The following TTC21B variants were observed in gnomAD, a reference collection of about 807,000 sequenced individuals.
TTC21B encodes the protein tetratricopeptide repeat protein 21B.
In TTC21B, 127 loss-of-function variants were observed where a neutral mutation model predicts 175.1. The observed-to-expected ratio is 0.73, with a 90% CI of 0.63 to 0.84. The LOEUF (loss-of-function observed/expected upper bound fraction) is 0.84, where lower values mean the gene tolerates loss of function less well. Among genes scored for constraint, TTC21B ranks in the 40% least tolerant of loss-of-function variants. The probability of loss-of-function intolerance (pLI) is 0.00; values close to 1 mark genes in which losing one functional copy is unlikely to be tolerated. For synonymous variants in TTC21B, 524 were observed against 524.5 expected, an observed-to-expected ratio of 1.00 and a Z score of 0.01; for missense variants, 1,561 against 1,558.3, an observed-to-expected ratio of 1.00 and a Z score of -0.03.
At chr2:165,916,636 C>CT (rs1686185965) in intron 14 of TTC21B, among the ~76,000 whole-genome samples, 1 of 151,916 alleles carries the variant, frequency 6.6e-6, no homozygotes, top group African/African-American at 2.4e-5. Flanking sequence ...GTGTATAAAT[C>CT]TTTTTAGAGA....
At chr2:165,915,553 T>A in intron 14 of TTC21B, 114 bp from the exon 15 acceptor site, 1 of 955,774 alleles carries the variant, frequency 1.0e-6, no homozygotes, top group Non-Finnish European at 1.6e-6. Context: ...TTATAATATT[T>A]ACGAAATAAA....
chr2:165,885,573 G>C (rs756858866), intron 25 of TTC21B, among the ~76,000 whole-genome samples: 3 of 152,188 alleles, frequency 2.0e-5, no homozygotes, highest in Non-Finnish European at 4.4e-5. Flanking sequence ...GGTGGGCCAG[G>C]AGAGGAGAGA....
intron 12 of TTC21B, among the ~76,000 whole-genome samples, chr2:165,920,217 C>T (rs1349987885): frequency 4.6e-5 from 7 of 152,162 alleles, no homozygotes; most frequent in Non-Finnish European, 1.0e-4. Context: ...ACTCCCCATT[C>T]AACCTTGCTA....
chr2:165,915,735 G>T (rs968572313), intron 14 of TTC21B, among the ~76,000 whole-genome samples: 2 of 152,134 alleles, frequency 1.3e-5, no homozygotes, highest in Non-Finnish European at 2.9e-5. Context: ...ACCCAGCATT[G>T]AATAATGAAG....
intron 12 of TTC21B, among the ~76,000 whole-genome samples, chr2:165,924,337 T>G: frequency 6.6e-6 from 1 of 152,182 alleles, no homozygotes; most frequent in Non-Finnish European, 1.5e-5. Flanking sequence ...TTCCCAGCAA[T>G]TCGCTTAAGC....
In TTC21B at chr2:165,945,522, A is replaced by G. The variant is rs1043981961; in HGVS notation, c.429+2T>C. ...TTATTTTAAACTCAGAAAAATAGCT[A>G]CCTGTTTACTACCATCTGATATTTT... On this transcript the variant is annotated splice_donor_variant, in intron 4 of 28. Coordinates refer to ENST00000243344, the MANE Select transcript of TTC21B (RefSeq NM_024753.5). LOFTEE classifies it high-confidence loss of function. 8.1e-6 allele frequency: 13 copies of G among 1,612,540 alleles called. No homozygotes were observed. The highest frequency in any genetic ancestry group is 1.1e-5 in the Non-Finnish European group (13 of 1,179,424).
chr2:165,889,638 G>A (rs904764443), intron 24 of TTC21B, among the ~76,000 whole-genome samples: 1 of 151,936 alleles, frequency 6.6e-6, no homozygotes, highest in Admixed American at 6.6e-5. Context: ...AACTGGTCTC[G>A]GTAATCCAAG....
At chr2:165,926,444 T>C (rs1021623540) in intron 11 of TTC21B, among the ~76,000 whole-genome samples, 1 of 152,178 alleles carries the variant, frequency 6.6e-6, no homozygotes, top group Non-Finnish European at 1.5e-5. Flanking sequence ...TCCTGTGGGA[T>C]GACCTCATCT....
chr2:165,899,980 A>T, intron 20 of TTC21B, 100 bp from the exon 21 acceptor site: 6 of 468,750 alleles, frequency 1.3e-5, no homozygotes, highest in Non-Finnish European at 1.3e-5. Flanking sequence ...ACCAAAAGTC[A>T]TTGCAATAAA....
chr2:165,913,044 A>ATT (rs397692157), intron 16 of TTC21B, among the ~76,000 whole-genome samples: 25 of 147,138 alleles, frequency 1.7e-4, no homozygotes, highest in Non-Finnish European at 2.1e-4. Flanking sequence ...TCAACTCTAC[A>ATT]TTTTTTTTTT....
chr2:165,881,264 A>G (rs1684825889), intron 26 of TTC21B, among the ~76,000 whole-genome samples: 1 of 152,154 alleles, frequency 6.6e-6, no homozygotes, highest in Admixed American at 6.5e-5. Context: ...GTGCATCTGT[A>G]AAAGAAAAAG....
chr2:165,931,264 A>G (rs1439091785), intron 8 of TTC21B, among the ~76,000 whole-genome samples: 2 of 151,944 alleles, frequency 1.3e-5, no homozygotes, highest in Non-Finnish European at 2.9e-5. Context: ...CATTCCTTGT[A>G]TTGATTTTGA....
At chr2:165,888,127 G>A in intron 25 of TTC21B, 152 bp downstream of exon 25, 2 of 624,354 alleles carry the variant, frequency 3.2e-6, no homozygotes, top group South Asian at 2.0e-5. Flanking sequence ...CGCCAAGAAG[G>A]GGACATTGTG....
chr2:165,929,098 A>G (rs748067307), intron 11 of TTC21B, 37 bp downstream of exon 11: 11 of 1,586,606 alleles, frequency 6.9e-6, no homozygotes, highest in African/African-American at 1.3e-5. Flanking sequence ...AACATCAAGT[A>G]AACGCATCCT....
Position 165,907,698 on chromosome 2 carries a change from C to T in TTC21B, c.2548G>A (p.Ala850Thr). The T allele has an allele frequency of 6.2e-7, 1 of 1,611,888 alleles. No individual in the cohort carries two copies. Among genetic ancestry groups the T allele is most frequent in the Non-Finnish European group, 8.5e-7 (1 of 1,178,806 alleles). ...TTTACCTGTTGTAATGCAGTGATCG[C>T]ATCACCAAGTTTTTCCATTTTACTA... Reference protein sequence around the residue: ...VYSKMEKLGDAITALQQAREL... With the variant: ...VYSKMEKLGDTITALQQAREL... Residue 850 changes from alanine (A) to threonine (T), a missense_variant, in exon 19 of 29, where the codon GCG becomes ACG. Transcript: ENST00000243344.
At chr2:165,938,914 T>A (rs1169633556) in intron 6 of TTC21B, among the ~76,000 whole-genome samples, 2 of 152,202 alleles carry the variant, frequency 1.3e-5, no homozygotes, top group Non-Finnish European at 2.9e-5. Context: ...AGACTATTGG[T>A]AATTTGAACA....
At position 165,873,567 on chromosome 2, in the gene TTC21B, A is replaced by T. The variant is rs570014704; in HGVS notation, c.*1188T>A. ...CAGAGCTGGGTAAACCGTTGCCTTC[A>T]CATGGTGTGCTTTGTGACTCCCTGC... On this transcript the variant is annotated 3_prime_UTR_variant, in exon 29 of 29. Coordinates refer to ENST00000243344, the MANE Select transcript of TTC21B (RefSeq NM_024753.5). The T allele has an allele frequency of 5.9e-5, 9 of 152,178 alleles. No individual in the cohort carries two copies. Among genetic ancestry groups the T allele is most frequent in the Non-Finnish European group, 1.0e-4 (7 of 68,030 alleles). 9.4% of individuals were successfully genotyped at this position (152,178 alleles called of 1,614,324 possible).
intron 6 of TTC21B, among the ~76,000 whole-genome samples, chr2:165,937,676 T>C (rs1354396230): frequency 2.6e-5 from 4 of 151,892 alleles, no homozygotes. Context: ...AAATACCCTC[T>C]TAAAGAGAAA....
At chr2:165,934,179 T>A (rs1335122128) in intron 6 of TTC21B, 1 of 151,928 alleles carries the variant, frequency 6.6e-6, no homozygotes, top group Non-Finnish European at 1.5e-5. Context: ...GGAAAGAAAA[T>A]TTTTTTTCCC....
Sources: allele counts gnomAD v4.1 joint callset (sites outside exome capture counted in the v4.1 genomes callset), GRCh38; gene constraint gnomAD v4.1.1; transcripts MANE v1.5; gene names NCBI Gene and HGNC (gene_info 2026-07-23, HGNC 2026-07-21).